CTNNA1: variants seen among roughly 807,000 people sequenced by gnomAD.
The protein encoded by CTNNA1 is catenin alpha 1, also known as catenin alpha-1.
Under a neutral mutation model 98.4 loss-of-function variants are expected in CTNNA1, and 37 were observed. That is an observed-to-expected ratio of 0.38 (90% CI 0.29 to 0.49). The LOEUF (loss-of-function observed/expected upper bound fraction) is 0.49, where lower values mean the gene tolerates loss of function less well. Among genes scored for constraint, CTNNA1 ranks in the 20% least tolerant of loss-of-function variants. CTNNA1 has a pLI of 0.95. For synonymous variants in CTNNA1, 404 were observed against 413.2 expected, an observed-to-expected ratio of 0.98 and a Z score of 0.27; for missense variants, 761 against 1,147.2, an observed-to-expected ratio of 0.66 and a Z score of 4.86.
At chr5:138,845,801 ATGATTGCCATGTCCTGGGTACT>A (rs567983691) in intron 7 of CTNNA1, among the ~76,000 whole-genome samples, 97 of 152,294 alleles carry the variant, frequency 6.4e-4, no homozygotes, top group Non-Finnish European at 1.2e-3. Context: ...ATAACCGAGT[ATGATTGCCATGTCCTGGGTACT>A]TGATTGCCAT....
intron 5 of CTNNA1, among the ~76,000 whole-genome samples, chr5:138,822,782 A>T (rs1173323027): frequency 1.3e-5 from 2 of 152,238 alleles, no homozygotes; most frequent in Non-Finnish European, 2.9e-5. Context: ...ATGAGAAAAG[A>T]ATTCTAGGAG....
chr5:138,825,542 AAC>A (rs1443997080), intron 6 of CTNNA1, among the ~76,000 whole-genome samples: 22 of 136,886 alleles, frequency 1.6e-4, no homozygotes, highest in African/African-American at 1.6e-4. Context: ...AAAAAAAAAA[AAC>A]AAACCAAAAA....
chr5:138,905,030 C>T (rs1462551058), intron 10 of CTNNA1, among the ~76,000 whole-genome samples: 1 of 147,434 alleles, frequency 6.8e-6, no homozygotes, highest in Non-Finnish European at 1.5e-5. Flanking sequence ...GGAGGCGGAG[C>T]TTGCAGTGAG....
chr5:138,779,172 C>G (rs1412227031), intron 1 of CTNNA1, among the ~76,000 whole-genome samples: 1 of 152,090 alleles, frequency 6.6e-6, no homozygotes, highest in Non-Finnish European at 1.5e-5. Context: ...AACCACCATG[C>G]CTGGCCAGTT....
chr5:138,836,619 T>G (rs1761793143), intron 7 of CTNNA1, among the ~76,000 whole-genome samples: 1 of 152,234 alleles, frequency 6.6e-6, no homozygotes, highest in Admixed American at 6.5e-5. Flanking sequence ...GCTGGCCTGA[T>G]GGAGCAGTAG....
At chr5:138,925,192 G>T in intron 12 of CTNNA1, 64 bp from the exon 13 acceptor site, 2 of 1,566,156 alleles carry the variant, frequency 1.3e-6, no homozygotes, top group Admixed American at 3.5e-5. Context: ...GAGTGATTCA[G>T]GGAGGGCCAG....
At chr5:138,885,550 C>T (rs1476394665) in intron 7 of CTNNA1, among the ~76,000 whole-genome samples, 1 of 152,154 alleles carries the variant, frequency 6.6e-6, no homozygotes, top group Admixed American at 6.6e-5. Context: ...AATCTCGACT[C>T]AGCACCTTGA....
At chr5:138,908,395 C>T (rs966511548) in intron 10 of CTNNA1, among the ~76,000 whole-genome samples, 1 of 152,112 alleles carries the variant, frequency 6.6e-6, no homozygotes, top group East Asian at 1.9e-4. Flanking sequence ...GAGTTCAGGC[C>T]CTGTGCTCAC....
intron 7 of CTNNA1, among the ~76,000 whole-genome samples, chr5:138,866,973 A>G (rs555922630): frequency 6.6e-6 from 1 of 152,282 alleles, no homozygotes; most frequent in South Asian, 2.1e-4. Flanking sequence ...TCTATTGTAT[A>G]TTTGAGTGGG....
intron 7 of CTNNA1, 147 bp downstream of exon 7, chr5:138,827,865 T>G: frequency 1.1e-6 from 1 of 901,540 alleles, no homozygotes; most frequent in Non-Finnish European, 1.6e-6. Flanking sequence ...TTTAAAGAAA[T>G]GGATAAATGG....
At chr5:138,826,095 G>T (rs1760689238) in intron 6 of CTNNA1, among the ~76,000 whole-genome samples, 1 of 152,046 alleles carries the variant, frequency 6.6e-6, no homozygotes, top group South Asian at 2.1e-4. Context: ...ATTTTTGTTG[G>T]CCAGAAAGCA....
At chr5:138,893,368 C>T (rs745515263) in intron 9 of CTNNA1, among the ~76,000 whole-genome samples, 6 of 151,908 alleles carry the variant, frequency 3.9e-5, no homozygotes, top group South Asian at 2.1e-4. Flanking sequence ...TCATCATGTT[C>T]GTTCCTATCA....
intron 7 of CTNNA1, among the ~76,000 whole-genome samples, chr5:138,845,652 T>A (rs1363282992): frequency 6.6e-6 from 1 of 152,220 alleles, no homozygotes; most frequent in East Asian, 1.9e-4. Context: ...CCCCTTTTCA[T>A]AAACAGGAAT....
At chr5:138,893,900 GC>G (rs1414403471) in intron 9 of CTNNA1, among the ~76,000 whole-genome samples, 72 of 150,896 alleles carry the variant, frequency 4.8e-4, no homozygotes, top group African/African-American at 1.7e-3. Flanking sequence ...GAGATTACAG[GC>G]GTGAGCCACC....
chr5:138,925,429 G>T, intron 13 of CTNNA1, 22 bp downstream of exon 13: 1 of 1,608,282 alleles, frequency 6.2e-7, no homozygotes, highest in African/African-American at 1.3e-5. Flanking sequence ...CATTTCAGAC[G>T]TCTTAACAGC....
intron 7 of CTNNA1, chr5:138,875,792 G>A: frequency 2.2e-6 from 2 of 910,992 alleles, no homozygotes; most frequent in Non-Finnish European, 2.6e-6. Context: ...TTGTTGTCAT[G>A]CTTGGTTAAA....
In CTNNA1 at chr5:138,887,591, A is replaced by G. The variant is rs752282736; in HGVS notation, c.1245A>G (p.Glu415=). Residue 415 remains glutamate, a synonymous_variant, in exon 9 of 18, where the codon GAA becomes GAG. Coordinates refer to ENST00000302763, the MANE Select transcript of CTNNA1 (RefSeq NM_001903.5). ...IEAAKNGNEK[E]VKEYAQVFRE... ...CTGCAAAGAATGGAAATGAGAAAGAAGTTAAGGAGTATGCCCAAGTTTTCC... is the reference window on the plus strand; with the variant it reads ...CTGCAAAGAATGGAAATGAGAAAGAGGTTAAGGAGTATGCCCAAGTTTTCC... 1.4e-5 allele frequency: 22 copies of G among 1,612,246 alleles called. No individual in the cohort carries two copies. The South Asian group carries it at 2.3e-4, about 17-fold the overall frequency.
chr5:138,832,418 A>G (rs1052260683), intron 7 of CTNNA1, among the ~76,000 whole-genome samples: 4 of 152,248 alleles, frequency 2.6e-5, no homozygotes, highest in African/African-American at 9.6e-5. Context: ...AAATGTGGTT[A>G]TTGTGGTTAA....
At chr5:138,908,628 G>A (rs1759824515) in intron 10 of CTNNA1, among the ~76,000 whole-genome samples, 1 of 151,968 alleles carries the variant, frequency 6.6e-6, no homozygotes, top group Non-Finnish European at 1.5e-5. Context: ...TTATACCACT[G>A]CACTCCAGCC....
Sources: allele counts gnomAD v4.1 joint callset (sites outside exome capture counted in the v4.1 genomes callset), GRCh38; gene constraint gnomAD v4.1.1; transcripts MANE v1.5; gene names NCBI Gene and HGNC (gene_info 2026-07-23, HGNC 2026-07-21).